MTREX: variants seen among roughly 807,000 people sequenced by gnomAD.
MTREX encodes the protein Mtr4 exosome RNA helicase, also known as exosome RNA helicase MTR4.
A neutral mutation model predicts 135.4 loss-of-function variants in MTREX; 76 were observed. The ratio of observed to expected loss-of-function variants is 0.56; its 90% confidence interval spans 0.47 to 0.68. MTREX has a LOEUF of 0.68. Among genes scored for constraint, MTREX ranks in the 30% least tolerant of loss-of-function variants. The probability of loss-of-function intolerance (pLI) is 0.00; values close to 1 mark genes in which losing one functional copy is unlikely to be tolerated. For missense variants in MTREX, 920 were observed against 1,262.1 expected (o/e 0.73, Z 4.11); for synonymous variants, 404 against 401.6 (o/e 1.01, Z -0.07).
chr5:55,415,176 G>A (rs1325138904), intron 24 of MTREX, among the ~76,000 whole-genome samples: 3 of 151,878 alleles, frequency 2.0e-5, no homozygotes, highest in African/African-American at 7.3e-5. Flanking sequence ...ACAGACACTG[G>A]TGCCTACTTG....
intron 19 of MTREX, among the ~76,000 whole-genome samples, chr5:55,394,835 C>T (rs1399973977): frequency 2.0e-5 from 3 of 151,940 alleles, no homozygotes; most frequent in African/African-American, 7.3e-5. Context: ...GAGTTTAAGA[C>T]CAGCCTGTCT....
chr5:55,342,429 T>C (rs1749666007), intron 7 of MTREX, among the ~76,000 whole-genome samples: 1 of 152,208 alleles, frequency 6.6e-6, no homozygotes, highest in Non-Finnish European at 1.5e-5. Context: ...TTTTATTTAG[T>C]TCAGTAACTA....
intron 11 of MTREX, 83 bp from the exon 12 acceptor site, chr5:55,349,490 T>G: frequency 2.5e-6 from 2 of 793,760 alleles, no homozygotes; most frequent in Non-Finnish European, 4.3e-6. Context: ...CGCCTGGCCT[T>G]TAGATTCTTA....
At chr5:55,335,092 T>A (rs549096516) in intron 5 of MTREX, among the ~76,000 whole-genome samples, 30 of 152,220 alleles carry the variant, frequency 2.0e-4, no homozygotes, top group African/African-American at 7.2e-4. Flanking sequence ...CTAAGGGTGT[T>A]AAGCATCATT....
At chr5:55,349,673 G>C (rs577879883) in intron 12 of MTREX, 21 bp downstream of exon 12, 5 of 1,310,970 alleles carry the variant, frequency 3.8e-6, no homozygotes, top group Admixed American at 3.4e-5. Flanking sequence ...AGTATCAGTA[G>C]ATAAAAGTGT....
At chr5:55,393,219 A>G (rs936307278) in intron 19 of MTREX, among the ~76,000 whole-genome samples, 1 of 152,202 alleles carries the variant, frequency 6.6e-6, no homozygotes, top group African/African-American at 2.4e-5. Context: ...TCTTGAATAT[A>G]TGCTCCCTGG....
intron 15 of MTREX, among the ~76,000 whole-genome samples, chr5:55,365,372 TA>T (rs1271739386): frequency 6.6e-6 from 1 of 152,200 alleles, no homozygotes; most frequent in African/African-American, 2.4e-5. Flanking sequence ...ACTATCCTCC[TA>T]AAGTACGTGG....
At chr5:55,320,596 G>A (rs1024612234) in intron 1 of MTREX, among the ~76,000 whole-genome samples, 13 of 152,108 alleles carry the variant, frequency 8.5e-5, no homozygotes, top group African/African-American at 2.7e-4. Flanking sequence ...ACACATCCAC[G>A]CAGCCACCAT....
intron 12 of MTREX, among the ~76,000 whole-genome samples, chr5:55,349,886 C>T (rs543867209): frequency 1.3e-5 from 2 of 152,192 alleles, no homozygotes. Flanking sequence ...GTGAAAATTA[C>T]TGCTAGTGTT....
intron 23 of MTREX, among the ~76,000 whole-genome samples, chr5:55,413,064 G>A (rs917798505): frequency 1.3e-5 from 2 of 151,914 alleles, no homozygotes; most frequent in Non-Finnish European, 2.9e-5. Flanking sequence ...ATTAGCGATC[G>A]GGCACAGTGG....
At position 55,425,370 on chromosome 5, in the gene MTREX, CA is replaced by C; in HGVS notation, c.*600del. The C allele has an allele frequency of 6.5e-7, 1 of 1,535,636 alleles. No individual in the cohort carries two copies. The highest frequency in any genetic ancestry group is 1.2e-5 in the South Asian group (1 of 84,442). The stretch of plus-strand genomic sequence containing the variant: ...AAATATTTAATGGTATAATTTAGAT[CA>C]AGTTAAAAACTACATACAAAGTTGT... On this transcript the variant is annotated 3_prime_UTR_variant, in exon 27 of 27. Coordinates refer to ENST00000230640, the MANE Select transcript of MTREX (RefSeq NM_015360.5).
At chr5:55,343,565 A>G in intron 8 of MTREX, 110 bp downstream of exon 8, 2 of 925,026 alleles carry the variant, frequency 2.2e-6, no homozygotes, top group Non-Finnish European at 1.6e-6. Flanking sequence ...AATAAAAAAA[A>G]CATTTTAATG....
Position 55,308,093 on chromosome 5 carries a change from A to C in MTREX, c.80A>C (p.Lys27Thr). 1 of 1,613,976 alleles carries C rather than the reference A, an allele frequency of 6.2e-7. No individual in the cohort carries two copies. Among genetic ancestry groups the C allele is most frequent in the African/African-American group, 1.3e-5 (1 of 74,996 alleles). ...STTAAGTKKDKEKDKGKWKGP... is the reference protein window; with the variant it reads ...STTAAGTKKDTEKDKGKWKGP... ...ACTGCGGCGGGAACCAAAAAAGACA[A>C]GGAAAAGGACAAGGGGAAATGGAAG... The change falls in exon 1 of 27, where the codon AAG (lysine) becomes ACG (threonine). Residue 27 changes from lysine to threonine, a missense_variant. Physicochemically the swap from Lys to Thr is moderately conservative, Grantham distance 78. Around this residue, in one of 6 missense-constraint regions of MTREX, gnomAD observed 136 missense variants for 126.7 expected, o/e 1.07. Transcript: ENST00000230640.
chr5:55,394,888 C>A (rs1750624068), intron 19 of MTREX, among the ~76,000 whole-genome samples: 1 of 151,690 alleles, frequency 6.6e-6, no homozygotes, highest in South Asian at 2.1e-4. Context: ...CAGAAATTAG[C>A]CAGGCATGGT....
intron 5 of MTREX, among the ~76,000 whole-genome samples, chr5:55,338,790 T>TTTC (rs2112053391): frequency 7.3e-6 from 1 of 137,432 alleles, no homozygotes; most frequent in South Asian, 2.4e-4. Flanking sequence ...CTTTTTCTTT[T>TTTC]TTTTTTTTTT....
At chr5:55,415,812 G>C (rs1414589603) in intron 24 of MTREX, among the ~76,000 whole-genome samples, 158 bp from the exon 25 acceptor site, 2 of 152,118 alleles carry the variant, frequency 1.3e-5, no homozygotes, top group East Asian at 1.9e-4. Context: ...CTTAGCAATG[G>C]AACAGGCACT....
chr5:55,417,974 C>T (rs1256959806), intron 25 of MTREX, among the ~76,000 whole-genome samples: 1 of 150,626 alleles, frequency 6.6e-6, no homozygotes, highest in East Asian at 1.9e-4. Flanking sequence ...GTGGCTTACG[C>T]CGGTAATCCC....
intron 1 of MTREX, among the ~76,000 whole-genome samples, chr5:55,313,217 G>T (rs1749143931): frequency 1.3e-5 from 2 of 150,652 alleles, no homozygotes; most frequent in African/African-American, 2.5e-5. Flanking sequence ...CAGGTGGATT[G>T]CCTGAGCCCA....
At chr5:55,349,701 A>T (rs1270585920) in intron 12 of MTREX, 49 bp downstream of exon 12, 1 of 987,506 alleles carries the variant, frequency 1.0e-6, no homozygotes, top group Admixed American at 1.8e-5. Context: ...AATAGATTGC[A>T]TATATTCACT....
Sources: gnomAD v4.1 joint callset for allele counts (sites outside exome capture counted in the v4.1 genomes callset) on GRCh38, gnomAD v4.1.1 for gene constraint, gnomAD v4.1.1 regional missense constraint, MANE v1.5 for transcripts, NCBI Gene and HGNC (gene_info 2026-07-23, HGNC 2026-07-21) for gene names.